The following SFMBT1 variants were observed in gnomAD, a reference collection of about 807,000 sequenced individuals.
SFMBT1 encodes the protein Scm like with four mbt domains 1, also known as scm-like with four MBT domains protein 1.
Under a neutral mutation model 108.7 loss-of-function variants are expected in SFMBT1, and 32 were observed. The observed-to-expected ratio is 0.29, with a 90% confidence interval of 0.22 to 0.40. SFMBT1 has a LOEUF of 0.40. Among genes scored for constraint, SFMBT1 ranks in the 10% least tolerant of loss-of-function variants. The pLI, the probability that SFMBT1 is intolerant of heterozygous loss-of-function variation, is 1.00. For synonymous variants in SFMBT1, 348 were observed against 369.5 expected (o/e 0.94, Z 0.67); for missense variants, 816 against 1,059.6 (o/e 0.77, Z 3.19).
At position 52,932,295 on chromosome 3, in the gene SFMBT1, C is replaced by T. The variant is rs769825139; in HGVS notation, c.467G>A (p.Arg156Lys). 3.1e-6 allele frequency: 5 copies of T among 1,613,914 alleles called. No individual in the cohort carries two copies. The South Asian group carries it at 5.5e-5, about 18-fold the overall frequency. Residue 156 changes from arginine (R) to lysine (K), a missense_variant, in exon 6 of 21, where the codon AGG becomes AAG. By Grantham distance (26) the Arg-to-Lys change is conservative. Transcript: ENST00000394752. ...TGGAGCAATGAGATCTAAAGGATTC[C>T]TCCCATTACGGAGCTGTAGGATTAA... Reference protein sequence around the residue: ...VPLLEGLRNGRNPLDLIAPGS... With the variant: ...VPLLEGLRNGKNPLDLIAPGS...
At chr3:52,918,844 A>G (rs1411969227) in intron 12 of SFMBT1, among the ~76,000 whole-genome samples, 1 of 152,098 alleles carries the variant, frequency 6.6e-6, no homozygotes, top group East Asian at 1.9e-4. Context: ...ACCTCAGATC[A>G]GTGGTCCCCA....
chr3:52,928,643 T>TACAC (rs1305309822), intron 8 of SFMBT1: 1 of 50,504 alleles, frequency 2.0e-5, no homozygotes, highest in Middle Eastern at 0.013. Context: ...TATACATATA[T>TACAC]ATATATATAT....
intron 2 of SFMBT1, among the ~76,000 whole-genome samples, chr3:52,959,356 C>T (rs546199327): frequency 6.6e-6 from 1 of 152,274 alleles, no homozygotes; most frequent in Admixed American, 6.5e-5. Context: ...AAGGTCTAAC[C>T]ACAATATCTT....
At position 52,907,075 on chromosome 3, in the gene SFMBT1, T is replaced by G. The variant is rs1702082049; in HGVS notation, c.2325A>C (p.Ser775=). The G allele has an allele frequency of 6.2e-7, 1 of 1,608,658 alleles. No individual in the cohort carries two copies. The highest frequency in any genetic ancestry group is 8.5e-7 in the Non-Finnish European group (1 of 1,178,290). The change falls in exon 19 of 21, where the codon TCA becomes TCC. Residue 775 remains serine, a synonymous_variant. Transcript: ENST00000394752. ...ACTATTTTTTAAATGGTACCTTTGG[T>G]GAAGGAGGTTTATTTTCATCGTCAG... ...SFSDDENKPP[S]PKEIRIEVAE...
intron 15 of SFMBT1, 86 bp from the exon 16 acceptor site, chr3:52,912,733 AAG>A: frequency 3.0e-6 from 3 of 998,290 alleles, no homozygotes; most frequent in Non-Finnish European, 4.7e-6. Context: ...TTAAAATGTT[AAG>A]ATTATTTAGG....
At chr3:53,027,769 A>C (rs1699545610) in intron 1 of SFMBT1, among the ~76,000 whole-genome samples, 1 of 152,210 alleles carries the variant, frequency 6.6e-6, no homozygotes, top group Non-Finnish European at 1.5e-5. Flanking sequence ...CATCATCCAC[A>C]GGAAATTTGC....
intron 1 of SFMBT1, among the ~76,000 whole-genome samples, chr3:53,022,183 T>TGGC (rs1699333681): frequency 6.6e-6 from 1 of 152,046 alleles, no homozygotes; most frequent in African/African-American, 2.4e-5. Flanking sequence ...GGTGCGGTGG[T>TGGC]TCACACCTGT....
At chr3:53,019,714 T>C (rs1042565666) in intron 1 of SFMBT1, among the ~76,000 whole-genome samples, 3 of 152,204 alleles carry the variant, frequency 2.0e-5, no homozygotes, top group Non-Finnish European at 4.4e-5. Context: ...CCTAGACTAT[T>C]GCAGCGACCT....
chr3:52,944,324 A>G (rs1346948346), intron 3 of SFMBT1, among the ~76,000 whole-genome samples: 7 of 152,172 alleles, frequency 4.6e-5, no homozygotes, highest in African/African-American at 1.7e-4. Flanking sequence ...GGACATGATG[A>G]TGGATTGGTA....
intron 1 of SFMBT1, among the ~76,000 whole-genome samples, chr3:52,986,630 G>C (rs926385335): frequency 4.6e-5 from 7 of 151,882 alleles, no homozygotes; most frequent in Non-Finnish European, 7.4e-5. Flanking sequence ...AACTTAGTCG[G>C]GCAGGCATGG....
chr3:53,004,788 T>A (rs1698683031), intron 1 of SFMBT1, among the ~76,000 whole-genome samples: 1 of 135,650 alleles, frequency 7.4e-6, no homozygotes, highest in Non-Finnish European at 1.7e-5. Context: ...TCCACCTTGA[T>A]GCCAGCCAAC....
At position 52,993,712 on chromosome 3, in the gene SFMBT1, GAA is replaced by G. The variant is rs1246035735; in HGVS notation, c.-130-24456_-130-24455del. ...GAAAAAAATCCCATACAAAAATTGT[GAA>G]AAGAGTTAAGATACAAAAGAAAAAA... On this transcript the variant is annotated intron_variant, in intron 1 of 20. Coordinates refer to ENST00000394752, the MANE Select transcript of SFMBT1 (RefSeq NM_016329.4). Among the ~76,000 whole-genome samples the G allele has an allele frequency of 6.7e-5, 10 of 150,136 alleles. 1 individual carries two copies. The highest frequency in any genetic ancestry group is 6.4e-4 in the South Asian group (3 of 4,720).
intron 1 of SFMBT1, among the ~76,000 whole-genome samples, chr3:53,001,421 C>T (rs983269182): frequency 1.3e-5 from 2 of 149,538 alleles, no homozygotes; most frequent in African/African-American, 4.9e-5. Context: ...GAGTGAGACT[C>T]CAACTCTTCA....
At chr3:52,985,562 A>G (rs946669509) in intron 1 of SFMBT1, among the ~76,000 whole-genome samples, 2 of 152,180 alleles carry the variant, frequency 1.3e-5, no homozygotes, top group Non-Finnish European at 2.9e-5. Context: ...ATTCCATTTT[A>G]CAGATGAGGA....
intron 2 of SFMBT1, among the ~76,000 whole-genome samples, chr3:52,960,585 T>C (rs1575403590): frequency 6.6e-6 from 1 of 152,088 alleles, no homozygotes. Flanking sequence ...AACTGTACAG[T>C]ACTTCCTCAA....
chr3:53,039,367 GATAA>G (rs34106777), intron 1 of SFMBT1, among the ~76,000 whole-genome samples: 44,960 of 151,856 alleles, frequency 0.3, 7,001 homozygotes, highest in East Asian at 0.48. Context: ...ATCACAAAAG[GATAA>G]ATACTGTATG....
At chr3:53,014,336 G>A (rs140448054) in intron 1 of SFMBT1, among the ~76,000 whole-genome samples, 114 of 152,266 alleles carry the variant, frequency 7.5e-4, no homozygotes, top group East Asian at 2.5e-3. Flanking sequence ...GAGGCGCAGC[G>A]GCTCATGCCT....
chr3:52,989,524 G>C (rs1705047752), intron 1 of SFMBT1, among the ~76,000 whole-genome samples: 1 of 151,858 alleles, frequency 6.6e-6, no homozygotes, highest in Non-Finnish European at 1.5e-5. Flanking sequence ...AATAAGGCCA[G>C]GTGTGGTGGC....
chr3:53,014,429 C>T lies in SFMBT1; in HGVS notation c.-131+31387G>A, dbSNP rs181702552. Among the ~76,000 whole-genome samples the T allele has an allele frequency of 2.3e-4, 35 of 152,086 alleles. No individual in the cohort carries two copies. The East Asian group carries it at 4.9e-3, about 21-fold the overall frequency. On this transcript the variant is annotated intron_variant, in intron 1 of 20. Transcript: ENST00000394752. ...AGTTTACAGTGAGCCGTGATCACAC[C>T]ACTGCACTCCCGCCTGGGTGACAGA...
Sources: gnomAD v4.1 joint callset for allele counts (sites outside exome capture counted in the v4.1 genomes callset) on GRCh38, gnomAD v4.1.1 for gene constraint, MANE v1.5 for transcripts, NCBI Gene and HGNC (gene_info 2026-07-23, HGNC 2026-07-21) for gene names.